The following CHRNA4 variants were observed in gnomAD, a reference collection of about 807,000 sequenced individuals.
CHRNA4 encodes neuronal acetylcholine receptor subunit alpha-4.
Under a neutral mutation model 48.9 loss-of-function variants are expected in CHRNA4, and 28 were observed. The ratio of observed to expected loss-of-function variants is 0.57; its 90% CI spans 0.42 to 0.79. The LOEUF is 0.79. CHRNA4 is among the 30% of genes least tolerant of loss of function. The probability of loss-of-function intolerance (pLI) is 0.00; values close to 1 mark genes in which losing one functional copy is unlikely to be tolerated. For missense variants in CHRNA4, 859 were observed against 898.4 expected (o/e 0.96, Z 0.56); for synonymous variants, 425 against 402.3 (o/e 1.06, Z -0.68).
chr20:63,348,619 T>C (rs1656153211), intron 5 of CHRNA4, among the ~76,000 whole-genome samples: 1 of 152,180 alleles, frequency 6.6e-6, no homozygotes, highest in Admixed American at 6.5e-5. Context: ...CACCAGGCCC[T>C]GGCACCGGGA....
chr20:63,352,634 C>G (rs1219381129), intron 4 of CHRNA4, among the ~76,000 whole-genome samples: 1 of 152,234 alleles, frequency 6.6e-6, no homozygotes, highest in African/African-American at 2.4e-5. Context: ...AACCAACGCC[C>G]TCCACCTTCT....
In CHRNA4 at chr20:63,358,224, T is replaced by C. The variant is rs1033439313; in HGVS notation, c.228+1324A>G. 2.0e-5 allele frequency among the ~76,000 whole-genome samples: 3 copies of C among 152,306 alleles called. No individual in the cohort carries two copies. In the East Asian group the frequency reaches 5.8e-4, roughly 29 times the overall value. On this transcript the variant is annotated intron_variant, in intron 2 of 5. Coordinates refer to ENST00000370263, the MANE Select transcript of CHRNA4 (RefSeq NM_000744.7). ...CGGGGCTGGCTGACTGGAGTCTCCA[T>C]GCGCTGCCCTGCATGGGCAACTGCC...
chr20:63,349,185 T>G (rs974595428), intron 5 of CHRNA4, among the ~76,000 whole-genome samples: 23 of 152,162 alleles, frequency 1.5e-4, no homozygotes, highest in African/African-American at 5.5e-4. Flanking sequence ...CCATCTTCTC[T>G]GAGCCCCCTA....
chr20:63,361,295 T>C lies in CHRNA4; in HGVS notation c.-130A>G. 7.7e-7 allele frequency: 1 copy of C among 1,305,544 alleles called. No individual in the cohort carries two copies. The highest frequency in any genetic ancestry group is 9.7e-7 in the Non-Finnish European group (1 of 1,030,102). The allele number at this position is 1,305,544 out of a possible 1,614,324, so 80.9% of individuals were successfully genotyped here. A position where few individuals can be genotyped will look rare whatever the true frequency, so the allele number is the denominator to read the frequency against. On this transcript the variant is annotated 5_prime_UTR_variant, in exon 1 of 6. Transcript: ENST00000370263. Reference sequence around the variant, plus strand: ...TTCGGCCGCCGGGCCCGGTTCGTCTTCTCCTGTGGGGCGCGGTGCGGCGGC... The same window carrying C: ...TTCGGCCGCCGGGCCCGGTTCGTCTCCTCCTGTGGGGCGCGGTGCGGCGGC...
In CHRNA4 at chr20:63,346,573, T is replaced by C. The variant is rs1019848248; in HGVS notation, c.*165A>G. 12 of 988,404 alleles carry C rather than the reference T, an allele frequency of 1.2e-5. No homozygotes were observed. The highest frequency in any genetic ancestry group is 1.8e-5 in the Non-Finnish European group (12 of 650,356). 61.2% of individuals were successfully genotyped at this position (988,404 alleles called of 1,614,324 possible). On this transcript the variant is annotated 3_prime_UTR_variant, in exon 6 of 6. Coordinates refer to ENST00000370263, the MANE Select transcript of CHRNA4 (RefSeq NM_000744.7). ...ACACTCGGTCTCCCCAGAGGCCGTG[T>C]CCCCGTCCAAGGCCGTCTTACAGCA... is the stretch of plus-strand genomic sequence containing the variant.
chr20:63,357,774 C>T (rs1276970354), intron 2 of CHRNA4, among the ~76,000 whole-genome samples: 2 of 152,224 alleles, frequency 1.3e-5, no homozygotes, highest in Admixed American at 6.5e-5. Context: ...ACGTGGCCCT[C>T]GGCCTTGGGC....
In CHRNA4 at chr20:63,350,263, C is replaced by A; in HGVS notation, c.1148G>T (p.Arg383Leu). Residue 383 changes from arginine to leucine, a missense_variant, in exon 5 of 6, where the codon CGC becomes CTC. Around this residue, in one of 3 missense-constraint regions of CHRNA4, gnomAD observed 478 missense variants for 455.4 expected, o/e 1.05. Coordinates refer to ENST00000370263, the MANE Select transcript of CHRNA4 (RefSeq NM_000744.7). ...CTCCCCTTCTGGCTCGGGCCAGAAG[C>A]GCGGGGCACTGGCCATCTTATGCAT... ...ESMHKMASAP[R>L]FWPEPEGEPP... 1 of 1,611,092 alleles carries A rather than the reference C, an allele frequency of 6.2e-7. No homozygotes were observed. The highest frequency in any genetic ancestry group is 2.2e-5 in the East Asian group (1 of 44,810).
intron 2 of CHRNA4, among the ~76,000 whole-genome samples, chr20:63,359,094 A>G (rs1235551199): frequency 6.6e-6 from 1 of 151,872 alleles, no homozygotes; most frequent in Non-Finnish European, 1.5e-5. Flanking sequence ...CCCAAACCCC[A>G]CATTCCAGAT....
intron 3 of CHRNA4, 98 bp from the exon 4 acceptor site, chr20:63,356,182 A>G (rs1051328329): frequency 5.0e-5 from 21 of 421,098 alleles, no homozygotes; most frequent in South Asian, 3.0e-4. Context: ...GGGCCAGGGC[A>G]GGGCAGCAGG....
In CHRNA4 at chr20:63,344,501, A is replaced by G. The variant is rs200751902; in HGVS notation, c.*2237T>C. On this transcript the variant is annotated 3_prime_UTR_variant, in exon 6 of 6. Transcript: ENST00000370263. The surrounding 1 kb of genome is among the most constrained non-coding windows in gnomAD (Gnocchi z 4.5). ...GATTTTTTTTTTGAGCCTCAAAAAA[A>G]AAAAGAAAGGGAAAGGGGTCTTCCC... 58 of 453,052 alleles carry G rather than the reference A, an allele frequency of 1.3e-4. 1 individual carries two copies. The highest frequency in any genetic ancestry group is 1.9e-4 in the Non-Finnish European group (44 of 226,510). 28.1% of individuals were successfully genotyped at this position (453,052 alleles called of 1,614,324 possible).
intron 5 of CHRNA4, 22 bp from the exon 6 acceptor site, chr20:63,346,885 C>T: frequency 6.2e-7 from 1 of 1,611,930 alleles, no homozygotes; most frequent in Non-Finnish European, 8.5e-7. Context: ...GACGCCGTCA[C>T]TCCAGCACGG....
rs535104026 is a variant in CHRNA4, at chr20:63,344,105, G to C, written c.*2633C>G. The stretch of plus-strand genomic sequence containing the variant: ...TGCGTCTTAGTTTATTCAGACAGAA[G>C]AACACTGCTCACAATTAAAAACGAA... On this transcript the variant is annotated 3_prime_UTR_variant, in exon 6 of 6. Coordinates refer to ENST00000370263, the MANE Select transcript of CHRNA4 (RefSeq NM_000744.7). This position sits in a 1 kb window ranked among gnomAD's most constrained non-coding sequence, Gnocchi z 4.5. The C allele has an allele frequency of 2.2e-6, 1 of 454,142 alleles. No homozygotes were observed. Among genetic ancestry groups the C allele is most frequent in the South Asian group, 1.6e-5 (1 of 64,478 alleles). The allele number at this position is 454,142 out of a possible 1,614,324, so 28.1% of individuals were successfully genotyped here. A position where few individuals can be genotyped will look rare whatever the true frequency, so the allele number is the denominator to read the frequency against.
chr20:63,351,717 A>G (rs1330004426), intron 4 of CHRNA4, among the ~76,000 whole-genome samples: 2 of 152,224 alleles, frequency 1.3e-5, no homozygotes, highest in Non-Finnish European at 2.9e-5. Context: ...GCCCAGTTCC[A>G]GGGCCACGTC....
chr20:63,352,648 G>A (rs868848606), intron 4 of CHRNA4, among the ~76,000 whole-genome samples: 2 of 152,176 alleles, frequency 1.3e-5, no homozygotes, highest in South Asian at 4.1e-4. Flanking sequence ...ACCTTCTGAG[G>A]CACAAATTAA....
rs1391598719 is a variant in CHRNA4, at chr20:63,350,538, G to A, written c.873C>T (p.Leu291=). ...AGGTGGACGGGATGATCTCGGTGAT[G>A]AGCAGCAGGAAGACGGTGAGCGACA... The part of the protein sequence containing the change: ...VLLSLTVFLL[L]ITEIIPSTSL... Residue 291 remains leucine, a synonymous_variant, in exon 5 of 6, where the codon CTC becomes CTT. Coordinates refer to ENST00000370263, the MANE Select transcript of CHRNA4 (RefSeq NM_000744.7). 6.8e-6 allele frequency: 11 copies of A among 1,613,870 alleles called. No homozygotes were observed. Among genetic ancestry groups the A allele is most frequent in the African/African-American group, 1.3e-5 (1 of 74,898 alleles).
At chr20:63,356,478 T>G in intron 2 of CHRNA4, 63 bp from the exon 3 acceptor site, 1 of 1,499,302 alleles carries the variant, frequency 6.7e-7, no homozygotes. Context: ...GCCCTAGGTT[T>G]CCTCATCTAC....
chr20:63,349,740 G>A lies in CHRNA4; in HGVS notation c.1671C>T (p.His557=), dbSNP rs1200990885. ...GGGTCAGGGCCGGCGACAGGGGCAG[G>A]TGCGGGGGCGGCGCTTTGGTGCTGC... The part of the protein sequence containing the change: ...KTRSTKAPPP[H]LPLSPALTRA... The change falls in exon 5 of 6, where the codon CAC becomes CAT. Residue 557 remains histidine, a synonymous_variant. Coordinates refer to ENST00000370263, the MANE Select transcript of CHRNA4 (RefSeq NM_000744.7). 1.9e-6 allele frequency: 3 copies of A among 1,612,546 alleles called. No individual in the cohort carries two copies. The highest frequency in any genetic ancestry group is 2.2e-5 in the East Asian group (1 of 44,870).
intron 2 of CHRNA4, among the ~76,000 whole-genome samples, chr20:63,356,992 C>CGACCACATCGCCAGG: frequency 7.0e-6 from 1 of 143,866 alleles, no homozygotes; most frequent in African/African-American, 2.6e-5. Context: ...ACGTCCCCAC[C>CGACCACATCGCCAGG]GACCACATCT....
rs754186627 is a variant in CHRNA4, at chr20:63,356,561, G to T, written c.229-146C>A. 3.7e-6 allele frequency: 3 copies of T among 812,264 alleles called. No homozygotes were observed. In the African/African-American group the frequency reaches 5.1e-5, roughly 14 times the overall value. The allele number at this position is 812,264 out of a possible 1,614,324, so 50.3% of individuals were successfully genotyped here. On this transcript the variant is annotated intron_variant, in intron 2 of 5. Coordinates refer to ENST00000370263, the MANE Select transcript of CHRNA4 (RefSeq NM_000744.7). Reference sequence around the variant, plus strand: ...GACCTGTGGAGGGGGTGAGTGCCCCGTCCCTGGAGGCAGCCGAGCCCAGGA... The same window carrying T: ...GACCTGTGGAGGGGGTGAGTGCCCCTTCCCTGGAGGCAGCCGAGCCCAGGA...
Sources: gnomAD v4.1 joint callset for allele counts (sites outside exome capture counted in the v4.1 genomes callset) on GRCh38, gnomAD v4.1.1 for gene constraint, gnomAD v4.1.1 regional missense constraint, Gnocchi (gnomAD v3.1) non-coding constraint, MANE v1.5 for transcripts, NCBI Gene and HGNC (gene_info 2026-07-23, HGNC 2026-07-21) for gene names.